EPHA3: variants seen among roughly 807,000 people sequenced by gnomAD.
EPHA3 encodes the protein EPH receptor A3.
Under a neutral mutation model 107.1 loss-of-function variants are expected in EPHA3, and 42 were observed. The ratio of observed to expected loss-of-function variants is 0.39; its 90% CI spans 0.31 to 0.51. The LOEUF (loss-of-function observed/expected upper bound fraction) is 0.51. Among genes scored for constraint, EPHA3 ranks in the 20% least tolerant of loss-of-function variants. EPHA3 has a pLI of 0.78. For missense variants in EPHA3, 1,183 were observed against 1,211.2 expected, an observed-to-expected ratio of 0.98 and a Z score of 0.35; for synonymous variants, 461 against 424.8, an observed-to-expected ratio of 1.09 and a Z score of -1.05.
chr3:89,306,565 G>T (rs776035004), intron 3 of EPHA3, among the ~76,000 whole-genome samples: 1 of 152,056 alleles, frequency 6.6e-6, no homozygotes, highest in African/African-American at 2.4e-5. Flanking sequence ...GTTGAATGTG[G>T]CCCAACCTTC....
At chr3:89,313,738 GAA>G (rs1341760468) in intron 3 of EPHA3, among the ~76,000 whole-genome samples, 1 of 151,716 alleles carries the variant, frequency 6.6e-6, no homozygotes, top group African/African-American at 2.4e-5. Flanking sequence ...TAAACAATTT[GAA>G]AAGAGATATA....
intron 3 of EPHA3, among the ~76,000 whole-genome samples, chr3:89,212,603 T>TG (rs1704130568): frequency 6.6e-6 from 1 of 151,970 alleles, no homozygotes; most frequent in African/African-American, 2.4e-5. Flanking sequence ...ATTTTTTTTT[T>TG]TTGTTCTTTT....
chr3:89,166,893 G>C (rs1705084494), intron 2 of EPHA3, among the ~76,000 whole-genome samples: 1 of 152,152 alleles, frequency 6.6e-6, no homozygotes, highest in Non-Finnish European at 1.5e-5. Context: ...AACCCAGCAA[G>C]TATGATGTAT....
intron 9 of EPHA3, 50 bp from the exon 10 acceptor site, chr3:89,413,091 G>A (rs778337309): frequency 7.4e-7 from 1 of 1,352,600 alleles, no homozygotes; most frequent in African/African-American, 1.4e-5. Context: ...ATCTATAATT[G>A]TTTGTACAAA....
At chr3:89,474,778 C>T (rs561482650) in intron 16 of EPHA3, among the ~76,000 whole-genome samples, 2 of 152,184 alleles carry the variant, frequency 1.3e-5, no homozygotes, top group Admixed American at 1.3e-4. Context: ...TCATACTTTC[C>T]AAGTTAGCGA....
chr3:89,375,676 A>AT (rs757161179), intron 5 of EPHA3, among the ~76,000 whole-genome samples: 1 of 151,972 alleles, frequency 6.6e-6, no homozygotes, highest in Non-Finnish European at 1.5e-5. Flanking sequence ...AGTGACTCTG[A>AT]TAACAAAAGA....
intron 15 of EPHA3, among the ~76,000 whole-genome samples, chr3:89,459,886 T>G (rs1321299730): frequency 6.6e-6 from 1 of 152,160 alleles, no homozygotes; most frequent in Non-Finnish European, 1.5e-5. Flanking sequence ...AAATAGAAAA[T>G]AGTCTTAAAA....
chr3:89,183,751 C>T (rs948079964), intron 2 of EPHA3, among the ~76,000 whole-genome samples: 2 of 151,840 alleles, frequency 1.3e-5, no homozygotes, highest in Non-Finnish European at 2.9e-5. Flanking sequence ...AACTCTTATA[C>T]TTTGTTTAAT....
chr3:89,163,082 G>C (rs1198699281), intron 2 of EPHA3, among the ~76,000 whole-genome samples: 2 of 152,130 alleles, frequency 1.3e-5, no homozygotes, highest in Non-Finnish European at 2.9e-5. Context: ...AAATAAATGA[G>C]CCAAATTACA....
chr3:89,476,669 G>T (rs1391554264), intron 16 of EPHA3, among the ~76,000 whole-genome samples: 1 of 150,648 alleles, frequency 6.6e-6, no homozygotes, highest in Non-Finnish European at 1.5e-5. Context: ...GTGCAGTGGC[G>T]CGATCTCGGC....
intron 1 of EPHA3, among the ~76,000 whole-genome samples, chr3:89,113,485 C>CAAAAA (rs753848304): frequency 0.032 from 980 of 31,066 alleles, 310 homozygotes; most frequent in African/African-American, 0.042. Context: ...TTCCTTTGTA[C>CAAAAA]AAAAAAAAAA....
chr3:89,479,115 T>G (rs1710576355), intron 16 of EPHA3, among the ~76,000 whole-genome samples: 1 of 151,986 alleles, frequency 6.6e-6, no homozygotes, highest in Non-Finnish European at 1.5e-5. Flanking sequence ...TCCCAATCGG[T>G]GTATTAATTA....
intron 3 of EPHA3, among the ~76,000 whole-genome samples, chr3:89,312,573 GTTTCT>G: frequency 6.6e-6 from 1 of 151,530 alleles, no homozygotes; most frequent in African/African-American, 2.4e-5. Context: ...ACCCGTTATA[GTTTCT>G]TTTCTTTTCA....
intron 15 of EPHA3, among the ~76,000 whole-genome samples, chr3:89,460,794 C>A (rs1380981836): frequency 7.0e-6 from 1 of 142,942 alleles, no homozygotes; most frequent in African/African-American, 2.6e-5. Context: ...ATCGAATATG[C>A]CGAATACCCA....
At chr3:89,233,349 C>T (rs967187167) in intron 3 of EPHA3, among the ~76,000 whole-genome samples, 1 of 152,082 alleles carries the variant, frequency 6.6e-6, no homozygotes, top group African/African-American at 2.4e-5. Context: ...ACATTGTCCC[C>T]CCACTTTTCT....
chr3:89,221,041 A>G (rs1704360179), intron 3 of EPHA3, among the ~76,000 whole-genome samples: 2 of 152,154 alleles, frequency 1.3e-5, no homozygotes, highest in South Asian at 4.1e-4. Flanking sequence ...AAGTGGTTCA[A>G]CTGGAATTTG....
chr3:89,167,232 A>T (rs1051437127), intron 2 of EPHA3, among the ~76,000 whole-genome samples: 1 of 152,204 alleles, frequency 6.6e-6, no homozygotes. Flanking sequence ...ATTACATCAC[A>T]GAGTTTTTAT....
chr3:89,274,872 A>G (rs377147182), intron 3 of EPHA3, among the ~76,000 whole-genome samples: 1 of 151,974 alleles, frequency 6.6e-6, no homozygotes, highest in Non-Finnish European at 1.5e-5. Context: ...AAGATAATAT[A>G]AGTGAAATTG....
intron 1 of EPHA3, among the ~76,000 whole-genome samples, chr3:89,123,892 T>G (rs1444753475): frequency 6.6e-6 from 1 of 152,198 alleles, no homozygotes; most frequent in Non-Finnish European, 1.5e-5. Flanking sequence ...CCAAAAATAT[T>G]TGGCAATCAC....
Sources: gnomAD v4.1 joint callset for allele counts (sites outside exome capture counted in the v4.1 genomes callset) on GRCh38, gnomAD v4.1.1 for gene constraint, MANE v1.5 for transcripts, NCBI Gene and HGNC (gene_info 2026-07-23, HGNC 2026-07-21) for gene names.